The following OSBPL11 variants were observed in gnomAD, a reference collection of about 807,000 sequenced individuals.
OSBPL11 encodes the protein oxysterol binding protein like 11, also known as oxysterol-binding protein-related protein 11.
OSBPL11 carries 33 observed loss-of-function variants against 84.4 expected under a neutral mutation model. The observed-to-expected ratio is 0.39, with a 90% CI of 0.30 to 0.52. OSBPL11 has a LOEUF of 0.52. OSBPL11 is among the 20% of genes least tolerant of loss of function. The pLI is 0.72. For missense variants in OSBPL11, 736 were observed against 901.1 expected (o/e 0.82, Z 2.35); for synonymous variants, 276 against 310.2 (o/e 0.89, Z 1.16).
chr3:125,575,078 G>A lies in OSBPL11; in HGVS notation c.666+1111C>T, dbSNP rs185612682. 3.5e-3 allele frequency among the ~76,000 whole-genome samples: 533 copies of A among 152,188 alleles called. 4 individuals are homozygous for A. The highest frequency in any genetic ancestry group is 8.1e-3 in the South Asian group (39 of 4,824). ...TTTTCCAAACACATTATCTGTGAATGGCCAAATTTTCATCCTGTAGTTCAA... is the reference window on the plus strand; with the variant it reads ...TTTTCCAAACACATTATCTGTGAATAGCCAAATTTTCATCCTGTAGTTCAA... On this transcript the variant is annotated intron_variant, in intron 5 of 12. Coordinates refer to ENST00000296220, the MANE Select transcript of OSBPL11 (RefSeq NM_022776.5).
chr3:125,580,764 G>T (rs1261816060), intron 2 of OSBPL11, among the ~76,000 whole-genome samples: 1 of 152,084 alleles, frequency 6.6e-6, no homozygotes, highest in African/African-American at 2.4e-5. Flanking sequence ...TATGAGCTCT[G>T]AGGTTAAGGC....
chr3:125,542,146 T>C (rs771751932), intron 10 of OSBPL11, among the ~76,000 whole-genome samples: 61 of 152,214 alleles, frequency 4.0e-4, no homozygotes, highest in South Asian at 1.0e-3. Context: ...TCATTCTGCT[T>C]ACATGCAGCA....
At chr3:125,563,671 C>A (rs1936110018) in intron 7 of OSBPL11, 27 bp downstream of exon 7, 1 of 1,609,350 alleles carries the variant, frequency 6.2e-7, no homozygotes, top group African/African-American at 1.3e-5. Context: ...TTTTTCACAT[C>A]AAAATCATAT....
intron 8 of OSBPL11, among the ~76,000 whole-genome samples, chr3:125,558,846 T>A (rs1015004720): frequency 6.6e-6 from 1 of 152,208 alleles, no homozygotes; most frequent in Non-Finnish European, 1.5e-5. Flanking sequence ...TCAGGGATCT[T>A]ATTAAAATGC....
At chr3:125,586,769 C>A (rs1936518128) in intron 1 of OSBPL11, among the ~76,000 whole-genome samples, 1 of 152,186 alleles carries the variant, frequency 6.6e-6, no homozygotes, top group African/African-American at 2.4e-5. Context: ...CCTGCCTCGG[C>A]TTCCCAAAGT....
At chr3:125,591,352 T>G (rs1936592686) in intron 1 of OSBPL11, among the ~76,000 whole-genome samples, 1 of 152,230 alleles carries the variant, frequency 6.6e-6, no homozygotes, top group Non-Finnish European at 1.5e-5. Context: ...TGAAAAGTGA[T>G]GTGAATTCAC....
chr3:125,570,956 G>A (rs926373922), intron 5 of OSBPL11, among the ~76,000 whole-genome samples: 2 of 152,334 alleles, frequency 1.3e-5, no homozygotes, highest in Middle Eastern at 6.8e-3. Flanking sequence ...TGGGTAATAG[G>A]CAGAGGTTGG....
intron 1 of OSBPL11, among the ~76,000 whole-genome samples, chr3:125,589,376 A>G (rs1193572286): frequency 6.6e-6 from 1 of 151,498 alleles, no homozygotes; most frequent in Non-Finnish European, 1.5e-5. Flanking sequence ...CAGAAAAGAT[A>G]TGTAGTGCAA....
chr3:125,544,175 C>A (rs1214660143), intron 10 of OSBPL11, among the ~76,000 whole-genome samples: 3 of 151,506 alleles, frequency 2.0e-5, no homozygotes, highest in African/African-American at 2.4e-5. Flanking sequence ...CCTGCCTCAG[C>A]CTCCCAAGTA....
intron 1 of OSBPL11, among the ~76,000 whole-genome samples, chr3:125,584,149 A>G (rs1936471205): frequency 6.6e-6 from 1 of 152,028 alleles, no homozygotes; most frequent in African/African-American, 2.4e-5. Flanking sequence ...TGGATCACCT[A>G]AGGTCAGGAG....
intron 1 of OSBPL11, among the ~76,000 whole-genome samples, chr3:125,588,759 G>A (rs1263273285): frequency 2.0e-5 from 3 of 152,130 alleles, no homozygotes; most frequent in Admixed American, 6.6e-5. Flanking sequence ...TGTGTAGCCT[G>A]GGATATAATG....
chr3:125,571,281 T>G (rs1344655950), intron 5 of OSBPL11, among the ~76,000 whole-genome samples: 1 of 152,134 alleles, frequency 6.6e-6, no homozygotes. Context: ...GTAACTTGGG[T>G]GTTGTTAAAG....
chr3:125,592,197 C>A (rs1046792103), intron 1 of OSBPL11, among the ~76,000 whole-genome samples: 1 of 152,068 alleles, frequency 6.6e-6, no homozygotes, highest in Admixed American at 6.6e-5. Flanking sequence ...TGCCACCATG[C>A]CTGGCTAATT....
At position 125,588,221 on chromosome 3, in the gene OSBPL11, C is replaced by CAA. The variant is rs35794012; in HGVS notation, c.165-5245_165-5244dup. Reference sequence around the variant, plus strand: ...TGGGCGTCAGAGTAAGACCCTGTCTCAAAAAAAAAAAAAAAAAAAAAGAGA... The same window carrying CAA: ...TGGGCGTCAGAGTAAGACCCTGTCTCAAAAAAAAAAAAAAAAAAAAAAAGAGA... On this transcript the variant is annotated intron_variant, in intron 1 of 12. Transcript: ENST00000296220. Among the ~76,000 whole-genome samples the CAA allele has an allele frequency of 4.4e-3, 224 of 51,062 alleles. 4 individuals are homozygous for CAA. Among genetic ancestry groups the CAA allele is most frequent in the Middle Eastern group, 0.022 (2 of 92 alleles). 33.5% of individuals were successfully genotyped at this position (51,062 alleles called of 152,430 possible).
At chr3:125,548,455 T>C (rs138086315) in intron 9 of OSBPL11, among the ~76,000 whole-genome samples, 2 of 152,218 alleles carry the variant, frequency 1.3e-5, no homozygotes, top group East Asian at 3.9e-4. Context: ...ATGGTGAAGC[T>C]AGAAGAGATA....
intron 10 of OSBPL11, among the ~76,000 whole-genome samples, chr3:125,543,467 G>T (rs72979729): frequency 0.16 from 23,967 of 151,966 alleles, 2,239 homozygotes; most frequent in African/African-American, 0.27. Context: ...ATTAAAACAC[G>T]TATTTACTTG....
Position 125,560,424 on chromosome 3 carries a change from G to A in OSBPL11, c.1110C>T (p.Ile370=). ...GCTTAAGCTGTGACAAGAGATGTAG[G>A]ATGACACTACGTTGTTCTTCTACAG... ...LGAVEEQRSV[I]LHLLSQLKLG... The change falls in exon 8 of 13, where the codon ATC becomes ATT. Residue 370 remains isoleucine, a synonymous_variant. Transcript: ENST00000296220. The A allele has an allele frequency of 6.2e-7, 1 of 1,601,322 alleles. No individual in the cohort carries two copies. The highest frequency in any genetic ancestry group is 1.1e-5 in the South Asian group (1 of 87,890).
chr3:125,538,503 C>G lies in OSBPL11; in HGVS notation c.1972G>C (p.Val658Leu). 1 of 1,614,124 alleles carries G rather than the reference C, an allele frequency of 6.2e-7. No homozygotes were observed. The highest frequency in any genetic ancestry group is 1.3e-5 in the African/African-American group (1 of 75,052). The change falls in exon 11 of 13, where the codon GTG (valine) becomes CTG (leucine). Residue 658 changes from valine to leucine, a missense_variant. Around this residue, in one of 3 missense-constraint regions of OSBPL11, gnomAD observed 579 missense variants for 717.6 expected, o/e 0.81. Coordinates refer to ENST00000296220, the MANE Select transcript of OSBPL11 (RefSeq NM_022776.5). ...AGAGGTCTCACTCTTTTCTTCGTCA[C>G]TGCCAATTTAGTCAAGTCCACATAC... ...TKYVDLTKLA[V>L]TKKRVRPLEK...
At chr3:125,546,825 T>A (rs1231492371) in intron 10 of OSBPL11, among the ~76,000 whole-genome samples, 1 of 151,676 alleles carries the variant, frequency 6.6e-6, no homozygotes, top group East Asian at 1.9e-4. Context: ...AGGAGGCGGC[T>A]GCAAGGAGCC....
Sources: allele counts gnomAD v4.1 joint callset (sites outside exome capture counted in the v4.1 genomes callset), GRCh38; gene constraint gnomAD v4.1.1; regional missense constraint gnomAD v4.1.1; transcripts MANE v1.5; gene names NCBI Gene and HGNC (gene_info 2026-07-23, HGNC 2026-07-21).